The following PAX7 variants were observed in gnomAD, a reference collection of about 807,000 sequenced individuals.
PAX7 encodes paired box protein Pax-7.
In PAX7, 18 loss-of-function variants were observed where a neutral mutation model predicts 50.7. The observed-to-expected ratio is 0.36, with a 90% confidence interval of 0.25 to 0.53. PAX7 has a LOEUF of 0.53. Ranked by LOEUF, PAX7 falls within the 20% of genes least tolerant of loss-of-function variation. The pLI, the probability that PAX7 is intolerant of heterozygous loss-of-function variation, is 0.93. For missense variants in PAX7, 644 were observed against 702.9 expected (o/e 0.92, Z 0.95); for synonymous variants, 310 against 290.4 (o/e 1.07, Z -0.69).
intron 4 of PAX7, among the ~76,000 whole-genome samples, chr1:18,689,406 C>T (rs1298117836): frequency 6.6e-6 from 1 of 151,218 alleles, no homozygotes; most frequent in East Asian, 1.9e-4. Flanking sequence ...AACTGGAAGC[C>T]CTGGCAGGAA....
At chr1:18,711,617 C>T (rs1305234066) in intron 7 of PAX7, among the ~76,000 whole-genome samples, 1 of 152,136 alleles carries the variant, frequency 6.6e-6, no homozygotes, top group East Asian at 1.9e-4. Context: ...TCCTGCTCCT[C>T]CCTCAAGCCC....
intron 4 of PAX7, among the ~76,000 whole-genome samples, chr1:18,640,831 G>A (rs1391118295): frequency 6.6e-6 from 1 of 150,416 alleles, no homozygotes; most frequent in Non-Finnish European, 1.5e-5. Context: ...CTGGAGGGGC[G>A]CGCCGGGCCG....
intron 4 of PAX7, among the ~76,000 whole-genome samples, chr1:18,690,714 G>A (rs2089056271): frequency 6.6e-6 from 1 of 152,218 alleles, no homozygotes; most frequent in Admixed American, 6.5e-5. Context: ...CTCCATGGTG[G>A]AAATTAGTGG....
At position 18,634,583 on chromosome 1, in the gene PAX7, C is replaced by A. The variant is rs767833841; in HGVS notation, c.321+45C>A. ...AGGCTGGCAGCTGGCTTCCTATAGT[C>A]GGGGGCTCCTGGTTGTGGCCCCTCT... On this transcript the variant is annotated intron_variant, in intron 2 of 8. Transcript: ENST00000420770. The surrounding 1 kb of genome is among the most constrained non-coding windows in gnomAD (Gnocchi z 4.0). 4 of 1,550,832 alleles carry A rather than the reference C, an allele frequency of 2.6e-6. No homozygotes were observed. Among genetic ancestry groups the A allele is most frequent in the Non-Finnish European group, 3.5e-6 (4 of 1,127,466 alleles).
intron 7 of PAX7, among the ~76,000 whole-genome samples, chr1:18,712,804 G>A (rs947873203): frequency 6.6e-5 from 10 of 152,184 alleles, no homozygotes; most frequent in Non-Finnish European, 1.2e-4. Context: ...CTCTGGGGCC[G>A]GGTGTGGTGG....
rs1310355852 is a variant in PAX7 at position 18,700,145 on chromosome 1, G to A, written c.787-508G>A. Reference sequence around the variant, plus strand: ...CCTATTTCAAGGAGGCCCAGGGTGTGTAAGCAAAGTAGGGCCTCAGTCTCC... The same window carrying A: ...CCTATTTCAAGGAGGCCCAGGGTGTATAAGCAAAGTAGGGCCTCAGTCTCC... On this transcript the variant is annotated intron_variant, in intron 5 of 8. Transcript: ENST00000420770. The surrounding 1 kb of genome is among the most constrained non-coding windows in gnomAD (Gnocchi z 4.8). Among the ~76,000 whole-genome samples the A allele has an allele frequency of 2.0e-5, 3 of 151,842 alleles. No homozygotes were observed. The highest frequency in any genetic ancestry group is 4.4e-5 in the Non-Finnish European group (3 of 67,980).
intron 7 of PAX7, among the ~76,000 whole-genome samples, chr1:18,724,825 C>A (rs906305642): frequency 3.3e-5 from 5 of 152,220 alleles, no homozygotes; most frequent in African/African-American, 9.7e-5. Context: ...CTGATCCTGG[C>A]CCTCCCTTGA....
Position 18,744,898 on chromosome 1 carries a change from T to C in PAX7, c.1487T>C (p.Leu496Pro). 1 of 1,554,500 alleles carries C rather than the reference T, an allele frequency of 6.4e-7. No homozygotes were observed. Among genetic ancestry groups the C allele is most frequent in the Non-Finnish European group, 8.7e-7 (1 of 1,148,514 alleles). The change falls in exon 9 of 9, where the codon CTC becomes CCC. Residue 496 changes from leucine to proline, a missense_variant. Transcript: ENST00000420770. The part of the protein sequence containing the change: ...KLGEHSAVLG[L>P]LPVETGQAY The stretch of plus-strand genomic sequence containing the variant: ...GGGGAGCACTCTGCTGTGCTGGGAC[T>C]CCTGCCTGTGGAAACTGGCCAGGCC...
intron 5 of PAX7, among the ~76,000 whole-genome samples, chr1:18,696,268 T>C (rs572511246): frequency 1.3e-5 from 2 of 152,260 alleles, no homozygotes; most frequent in African/African-American, 4.8e-5. Flanking sequence ...GGTTTTGCCA[T>C]GTTGGCCAGG....
intron 8 of PAX7, among the ~76,000 whole-genome samples, chr1:18,737,411 T>A (rs555527354): frequency 6.6e-6 from 1 of 152,132 alleles, no homozygotes; most frequent in Admixed American, 6.5e-5. Context: ...GCCAGCTATG[T>A]CGGCCTCCAC....
At chr1:18,717,037 C>A (rs1043073009) in intron 7 of PAX7, among the ~76,000 whole-genome samples, 1 of 151,644 alleles carries the variant, frequency 6.6e-6, no homozygotes, top group Admixed American at 6.6e-5. Context: ...TCCCCGCGCT[C>A]CGCCGCCGCC....
intron 8 of PAX7, 151 bp downstream of exon 8, chr1:18,736,029 A>G (rs2089709132): frequency 3.9e-6 from 6 of 1,538,590 alleles, no homozygotes; most frequent in Non-Finnish European, 5.3e-6. Flanking sequence ...CAGATGGAAC[A>G]GTTCACCTAA....
intron 4 of PAX7, among the ~76,000 whole-genome samples, chr1:18,653,356 T>C (rs1287010193): frequency 6.6e-6 from 1 of 152,140 alleles, no homozygotes; most frequent in African/African-American, 2.4e-5. Context: ...TGTGTGTGTA[T>C]ATTGTTGTTG....
At chr1:18,725,067 G>A (rs2089541364) in intron 7 of PAX7, among the ~76,000 whole-genome samples, 1 of 152,220 alleles carries the variant, frequency 6.6e-6, no homozygotes, top group Non-Finnish European at 1.5e-5. Context: ...TCTATAACCA[G>A]GGGCCATTTT....
intron 4 of PAX7, among the ~76,000 whole-genome samples, chr1:18,682,032 C>T (rs2088908930): frequency 6.6e-6 from 1 of 152,150 alleles, no homozygotes; most frequent in South Asian, 2.1e-4. Flanking sequence ...GCCACTATGT[C>T]CGGCCGGGCT....
chr1:18,655,397 G>C (rs892134147), intron 4 of PAX7, among the ~76,000 whole-genome samples: 2 of 152,208 alleles, frequency 1.3e-5, no homozygotes, highest in African/African-American at 4.8e-5. Context: ...GGACTCAGTG[G>C]GGGAGGAAAG....
rs1350646883 is a variant in PAX7, at chr1:18,636,162, C to T, written c.452-75C>T. Reference sequence around the variant, plus strand: ...GAAGCAGGGGGCTTCCTGACTTTCTCCCAGGGGCCCAGGCCACCGCTCGCT... The same window carrying T: ...GAAGCAGGGGGCTTCCTGACTTTCTTCCAGGGGCCCAGGCCACCGCTCGCT... On this transcript the variant is annotated intron_variant, in intron 3 of 8. Transcript: ENST00000420770. This position sits in a 1 kb window ranked among gnomAD's most constrained non-coding sequence, Gnocchi z 5.1. 6 of 1,524,558 alleles carry T rather than the reference C, an allele frequency of 3.9e-6. No individual in the cohort carries two copies. The highest frequency in any genetic ancestry group is 1.2e-5 in the South Asian group (1 of 81,872). 94.4% of individuals were successfully genotyped at this position (1,524,558 alleles called of 1,614,324 possible).
chr1:18,692,308 G>A (rs1431186620), intron 5 of PAX7, among the ~76,000 whole-genome samples: 3 of 151,884 alleles, frequency 2.0e-5, no homozygotes, highest in Admixed American at 6.6e-5. Flanking sequence ...TCGGGAGGCC[G>A]AGGTGGGCGG....
intron 4 of PAX7, among the ~76,000 whole-genome samples, chr1:18,640,524 G>A (rs1466943349): frequency 6.6e-6 from 1 of 151,946 alleles, no homozygotes; most frequent in Middle Eastern, 3.2e-3. Flanking sequence ...CGAGGGAGGG[G>A]ACGAGGATAG....
Sources: gnomAD v4.1 joint callset for allele counts (sites outside exome capture counted in the v4.1 genomes callset) on GRCh38, gnomAD v4.1.1 for gene constraint, Gnocchi (gnomAD v3.1) non-coding constraint, MANE v1.5 for transcripts, NCBI Gene and HGNC (gene_info 2026-07-23, HGNC 2026-07-21) for gene names.